Variants in CRAMP1 observed in about 807,000 individuals in gnomAD.
CRAMP1 encodes the protein protein cramped-like.
CRAMP1 carries 50 observed loss-of-function variants against 115.4 expected under a neutral mutation model. The ratio of observed to expected loss-of-function variants is 0.43; its 90% CI spans 0.35 to 0.55. CRAMP1 has a LOEUF of 0.55. Ranked by LOEUF, CRAMP1 falls within the 20% of genes least tolerant of loss-of-function variation. The pLI, the probability that CRAMP1 is intolerant of heterozygous loss-of-function variation, is 0.01. For synonymous variants in CRAMP1, 866 were observed against 745.4 expected (o/e 1.16, Z -2.64); for missense variants, 1,679 against 1,721.7 (o/e 0.98, Z 0.44).
intron 5 of CRAMP1, among the ~76,000 whole-genome samples, chr16:1,639,857 G>A (rs915846223): frequency 1.3e-5 from 2 of 152,238 alleles, no homozygotes; most frequent in African/African-American, 4.8e-5. Flanking sequence ...TAGGAAGTCA[G>A]CGTGAATTGG....
rs754756618 is a variant in CRAMP1, at chr16:1,637,826, T to C, written c.697T>C (p.Phe233Leu). ...ITKYIDFDHV[F>L]SRGLKKSSQE... ...CCGCCTTCTCTTCTGTTTCTCAGTGTTCTCTCGAGGCCTGAAGAAGTCATC... is the reference window on the plus strand; with the variant it reads ...CCGCCTTCTCTTCTGTTTCTCAGTGCTCTCTCGAGGCCTGAAGAAGTCATC... The change falls in exon 5 of 21, where the codon TTC (phenylalanine) becomes CTC (leucine). Residue 233 changes from phenylalanine (F) to leucine (L), a missense_variant and splice_region_variant. Coordinates refer to ENST00000397412, the MANE Select transcript of CRAMP1 (RefSeq NM_020825.4). 2 of 1,517,190 alleles carry C rather than the reference T, an allele frequency of 1.3e-6. No homozygotes were observed. Among genetic ancestry groups the C allele is most frequent in the Non-Finnish European group, 1.8e-6 (2 of 1,131,002 alleles). The allele number at this position is 1,517,190 out of a possible 1,614,324, so 94.0% of individuals were successfully genotyped here. A position where few individuals can be genotyped will look rare whatever the true frequency, so the allele number is the denominator to read the frequency against.
intron 6 of CRAMP1, among the ~76,000 whole-genome samples, chr16:1,645,199 T>G (rs2036663836): frequency 6.6e-6 from 1 of 152,104 alleles, no homozygotes; most frequent in Admixed American, 6.5e-5. Flanking sequence ...TTCTTTTGTT[T>G]TGTTTGAGAT....
At chr16:1,645,362 A>C in intron 6 of CRAMP1, 1 of 251,944 alleles carries the variant, frequency 4.0e-6, no homozygotes, top group South Asian at 3.2e-5. Context: ...AATTTTTTAT[A>C]TTTTTAGTAC....
intron 2 of CRAMP1, among the ~76,000 whole-genome samples, chr16:1,617,419 C>T (rs2036430147): frequency 6.6e-6 from 1 of 152,234 alleles, no homozygotes; most frequent in African/African-American, 2.4e-5. Flanking sequence ...GGCAGTTGCC[C>T]CGCAACAGTC....
intron 11 of CRAMP1, among the ~76,000 whole-genome samples, chr16:1,660,963 C>T (rs186150672): frequency 2.0e-5 from 3 of 152,158 alleles, no homozygotes; most frequent in Non-Finnish European, 4.4e-5. Flanking sequence ...AAGCCAAGAT[C>T]GCGCCACTGC....
At chr16:1,647,146 C>T (rs948073311) in intron 6 of CRAMP1, 12 of 687,670 alleles carry the variant, frequency 1.7e-5, no homozygotes, top group Non-Finnish European at 2.4e-5. Flanking sequence ...CTTGCTGTCG[C>T]CTCTACCTCT....
chr16:1,663,367 G>T (rs574672707), intron 13 of CRAMP1, among the ~76,000 whole-genome samples: 2 of 152,290 alleles, frequency 1.3e-5, no homozygotes, highest in African/African-American at 4.8e-5. Flanking sequence ...TGTTATTTTG[G>T]ATTCATGCAC....
Position 1,655,312 on chromosome 16 carries a change from C to G in CRAMP1, c.1119+12C>G. The G allele has an allele frequency of 6.2e-7, 1 of 1,611,564 alleles. No homozygotes were observed. The highest frequency in any genetic ancestry group is 8.5e-7 in the Non-Finnish European group (1 of 1,177,662). ...ATGAGGTGCGAGTTGTATCCTTTTC[C>G]AGCTAAAGCAAACCATCCAGGCTGC... On this transcript the variant is annotated intron_variant, in intron 9 of 20. Transcript: ENST00000397412.
At position 1,614,522 on chromosome 16, in the gene CRAMP1, A is replaced by C. The variant is rs926978086; in HGVS notation, c.-1-117A>C. Reference sequence around the variant, plus strand: ...GGGCGGGCTCGGGCGGGCCGGGCCGAGCCGCCGAGAGGGGATTTGGAACAA... The same window carrying C: ...GGGCGGGCTCGGGCGGGCCGGGCCGCGCCGCCGAGAGGGGATTTGGAACAA... On this transcript the variant is annotated intron_variant, in intron 1 of 20. Transcript: ENST00000397412. The surrounding 1 kb of genome is among the most constrained non-coding windows in gnomAD (Gnocchi z 4.4). 2.0e-6 allele frequency: 1 copy of C among 507,938 alleles called. No individual in the cohort carries two copies. The highest frequency in any genetic ancestry group is 5.4e-5 in the Admixed American group (1 of 18,688). 31.5% of individuals were successfully genotyped at this position (507,938 alleles called of 1,614,324 possible). A position where few individuals can be genotyped will look rare whatever the true frequency, so the allele number is the denominator to read the frequency against.
rs1306363926 is a variant in CRAMP1, at chr16:1,666,369, A to G, written c.2858-53A>G. ...GCTGTTCCCCGAGCCCTCTTGGGAC[A>G]TCTTATGGGTTGTCAGTAGAGCAGA... On this transcript the variant is annotated intron_variant, in intron 15 of 20. Transcript: ENST00000397412. This position sits in a 1 kb window ranked among gnomAD's most constrained non-coding sequence, Gnocchi z 5.0. 9 of 1,546,534 alleles carry G rather than the reference A, an allele frequency of 5.8e-6. No individual in the cohort carries two copies. Among genetic ancestry groups the G allele is most frequent in the Non-Finnish European group, 7.1e-6 (8 of 1,134,438 alleles).
At chr16:1,641,286 A>G in intron 6 of CRAMP1, 99 bp downstream of exon 6, 1 of 880,264 alleles carries the variant, frequency 1.1e-6, no homozygotes, top group South Asian at 1.4e-5. Flanking sequence ...GGACCTTCCG[A>G]GTTAAAACTT....
Position 1,659,897 on chromosome 16 carries a change from A to G in CRAMP1, c.2247A>G (p.Ala749=). The G allele has an allele frequency of 6.2e-7, 1 of 1,613,376 alleles. No individual in the cohort carries two copies. The highest frequency in any genetic ancestry group is 8.5e-7 in the Non-Finnish European group (1 of 1,179,824). ...TEVNPKLALE[A]NTISTASVRP... is the part of the protein sequence containing the mutation. ...CATTTCTGTCCTAGGCTCTGGAAGCAAACACCATCTCTACAGCCTCAGTAA... is the reference window on the plus strand; with the variant it reads ...CATTTCTGTCCTAGGCTCTGGAAGCGAACACCATCTCTACAGCCTCAGTAA... The change falls in exon 11 of 21, where the codon GCA becomes GCG. Residue 749 remains alanine, a synonymous_variant. Transcript: ENST00000397412.
rs2036403787 is a variant in CRAMP1, at chr16:1,614,855, G to T, written c.216G>T (p.Pro72=). The T allele has an allele frequency of 2.3e-6, 3 of 1,302,762 alleles. No homozygotes were observed. Among genetic ancestry groups the T allele is most frequent in the African/African-American group, 1.5e-5 (1 of 65,000 alleles). 80.7% of individuals were successfully genotyped at this position (1,302,762 alleles called of 1,614,324 possible). Residue 72 remains proline (P), a synonymous_variant, in exon 2 of 21, where the codon CCG becomes CCT. Transcript: ENST00000397412. This position sits in a 1 kb window ranked among gnomAD's most constrained non-coding sequence, Gnocchi z 4.4. ...PPGAPQAPSP[P]QGSPQDQHHF... ...GCGCGCCGCAGGCGCCGTCCCCGCC[G>T]CAGGGCAGCCCCCAGGACCAGCACC...
intron 2 of CRAMP1, among the ~76,000 whole-genome samples, chr16:1,618,898 G>A (rs998330757): frequency 3.3e-5 from 5 of 152,166 alleles, no homozygotes; most frequent in Non-Finnish European, 5.9e-5. Context: ...GATAAAGTAG[G>A]TAAGGCAAAA....
intron 4 of CRAMP1, among the ~76,000 whole-genome samples, chr16:1,633,216 T>C (rs2036560433): frequency 6.6e-6 from 1 of 152,260 alleles, no homozygotes; most frequent in Non-Finnish European, 1.5e-5. Flanking sequence ...TGGTGTCCTC[T>C]GGGTGGGTTA....
chr16:1,656,335 C>A lies in CRAMP1; in HGVS notation c.1578C>A (p.Thr526=). ...ACACTGGGCCATGTCTTGAGAAGAC[C>A]CCTGCAGAAGGCAGGGACAGTCCCA... The part of the protein sequence containing the change: ...HQDTGPCLEK[T]PAEGRDSPTR... Residue 526 remains threonine (T), a synonymous_variant, in exon 10 of 21, where the codon ACC becomes ACA. Transcript: ENST00000397412. This position sits in a 1 kb window ranked among gnomAD's most constrained non-coding sequence, Gnocchi z 5.6. 6.2e-7 allele frequency: 1 copy of A among 1,609,866 alleles called. No individual in the cohort carries two copies.
intron 3 of CRAMP1, among the ~76,000 whole-genome samples, chr16:1,630,731 G>GT (rs1057484377): frequency 6.6e-6 from 1 of 152,066 alleles, no homozygotes; most frequent in South Asian, 2.1e-4. Context: ...TTGTTTGCAT[G>GT]TTTTTTTGTC....
At position 1,667,288 on chromosome 16, in the gene CRAMP1, G is replaced by A. The variant is rs377599951; in HGVS notation, c.3037-47G>A. ...TCTGTCGCGGGTGAGGGTATGGGTG[G>A]CATCTGGTGCACCCTGCGGCTGCTC... On this transcript the variant is annotated intron_variant, in intron 16 of 20. Transcript: ENST00000397412. 9.3e-6 allele frequency: 14 copies of A among 1,501,916 alleles called. No homozygotes were observed. In the African/African-American group the frequency reaches 1.5e-4, roughly 16 times the overall value. The allele number at this position is 1,501,916 out of a possible 1,614,324, so 93.0% of individuals were successfully genotyped here.
chr16:1,634,078 C>A (rs1159182147), intron 4 of CRAMP1, among the ~76,000 whole-genome samples: 1 of 151,656 alleles, frequency 6.6e-6, no homozygotes, highest in Non-Finnish European at 1.5e-5. Flanking sequence ...CTGCCATCCA[C>A]TGTGGCTGGT....
Sources: gnomAD v4.1 joint callset for allele counts (sites outside exome capture counted in the v4.1 genomes callset) on GRCh38, gnomAD v4.1.1 for gene constraint, Gnocchi (gnomAD v3.1) non-coding constraint, MANE v1.5 for transcripts, NCBI Gene and HGNC (gene_info 2026-07-23, HGNC 2026-07-21) for gene names.